The following ZNF678 variants were observed in gnomAD, a reference collection of about 807,000 sequenced individuals.
ZNF678 encodes the protein hypothetical protein MGC42493.
In ZNF678, 5 loss-of-function variants were observed where a neutral mutation model predicts 3.0. The ratio of observed to expected loss-of-function variants is 1.69; its 90% CI spans 0.88 to 3.56. The LOEUF (loss-of-function observed/expected upper bound fraction) is 3.56, where lower values mean the gene tolerates loss of function less well. Ranked by LOEUF, ZNF678 falls within the 30% of genes most tolerant of loss-of-function variation. The pLI is 0.00. For missense variants in ZNF678, 593 were observed against 605.0 expected (o/e 0.98, Z 0.21); for synonymous variants, 218 against 199.6 (o/e 1.09, Z -0.78).
At chr1:227,665,205 C>T (rs918689154), downstream of ZNF678, among the ~76,000 whole-genome samples, 1 of 152,174 alleles carries the variant, frequency 6.6e-6, no homozygotes, top group African/African-American at 2.4e-5. Context: ...TCAAACAGGC[C>T]TGGGCCCAGC....
intron 1 of ZNF678, among the ~76,000 whole-genome samples, chr1:227,636,439 C>T (rs954591321): frequency 4.6e-5 from 7 of 152,126 alleles, no homozygotes; most frequent in South Asian, 2.1e-4. Context: ...TTTGTTGCGC[C>T]GAGCATTTCC....
exon 6 of ZNF678, chr1:227,677,332 T>C (rs1042188964): frequency 6.6e-6 from 1 of 152,188 alleles, no homozygotes; most frequent in African/African-American, 2.4e-5. Flanking sequence ...CTAAGATGGC[T>C]GGATGTGCAA....
intron 3 of ZNF678, 103 bp from the exon 4 acceptor site, chr1:227,654,233 C>A (rs529335857): frequency 5.6e-6 from 5 of 900,456 alleles, no homozygotes; most frequent in East Asian, 3.0e-5. Context: ...TTTTATTATG[C>A]CATCTTGTTA....
At chr1:227,584,710 T>C (rs113003216) in intron 1 of ZNF678, among the ~76,000 whole-genome samples, 2,551 of 152,312 alleles carry the variant, frequency 0.017, 62 homozygotes, top group South Asian at 0.057. Context: ...TAAGAACTTA[T>C]AGGCAAGGAG....
At chr1:227,604,279 G>A (rs1020159784) in intron 1 of ZNF678, among the ~76,000 whole-genome samples, 6 of 152,168 alleles carry the variant, frequency 3.9e-5, no homozygotes, top group African/African-American at 1.4e-4. Flanking sequence ...CGGCTGTGCT[G>A]TTTTACAGTT....
chr1:227,612,410 A>G (rs761499909), intron 1 of ZNF678, among the ~76,000 whole-genome samples: 40 of 152,166 alleles, frequency 2.6e-4, no homozygotes, highest in Non-Finnish European at 5.0e-4. Context: ...GTGGTCACAA[A>G]CTGGAAAAAT....
downstream of ZNF678, among the ~76,000 whole-genome samples, chr1:227,679,600 C>T (rs1659733801): frequency 6.6e-6 from 1 of 151,792 alleles, no homozygotes; most frequent in Non-Finnish European, 1.5e-5. Flanking sequence ...ATTGCTCACT[C>T]AGGGAGCTCA....
chr1:227,634,992 T>C (rs1658637063), intron 1 of ZNF678, among the ~76,000 whole-genome samples: 2 of 152,062 alleles, frequency 1.3e-5, no homozygotes, highest in South Asian at 2.1e-4. Flanking sequence ...TGTGTCACCC[T>C]TCCTCCAGCT....
intron 1 of ZNF678, among the ~76,000 whole-genome samples, chr1:227,635,515 TTGTGTGTGTGTGTGTGTGTGTGTG>T (rs56135481): frequency 5.5e-5 from 7 of 128,004 alleles, no homozygotes; most frequent in African/African-American, 8.9e-5. Context: ...GGGTGAACAT[TTGTGTGTGTGTGTGTGTGTGTGTG>T]TGTGTGTGTG....
chr1:227,623,357 T>A (rs1375699278), intron 1 of ZNF678, among the ~76,000 whole-genome samples: 3 of 152,188 alleles, frequency 2.0e-5, no homozygotes, highest in Non-Finnish European at 2.9e-5. Context: ...AGTCCCTGAT[T>A]TTTTCTCCCT....
chr1:227,673,666 T>C (rs1344770401), intron 5 of ZNF678, among the ~76,000 whole-genome samples: 1 of 152,230 alleles, frequency 6.6e-6, no homozygotes, highest in Non-Finnish European at 1.5e-5. Flanking sequence ...CTGGGTAGGC[T>C]GAAGCCAGCA....
downstream of ZNF678, among the ~76,000 whole-genome samples, chr1:227,663,630 T>C (rs1465820387): frequency 6.6e-6 from 1 of 152,164 alleles, no homozygotes; most frequent in Non-Finnish European, 1.5e-5. Context: ...AACAGCAACA[T>C]GCAAAGATAC....
Position 227,654,831 on chromosome 1 carries a change from C to T in ZNF678, c.581C>T (p.Ser194Leu). The change falls in exon 4 of 4, where the codon TCA becomes TTA. Residue 194 changes from serine to leucine, a missense_variant. Coordinates refer to ENST00000343776, the MANE Select transcript of ZNF678 (RefSeq NM_001367909.1). ...DECDKVFNWWSQLTSHKKIHS... is the reference protein window; with the variant it reads ...DECDKVFNWWLQLTSHKKIHS... ...TGTGACAAAGTTTTTAATTGGTGGT[C>T]ACAACTAACTAGCCATAAGAAAATT... 1 of 1,608,826 alleles carries T rather than the reference C, an allele frequency of 6.2e-7. No homozygotes were observed. The highest frequency in any genetic ancestry group is 1.1e-5 in the South Asian group (1 of 90,876).
rs56135481 is a variant in ZNF678 at position 227,635,515 on chromosome 1, TTGTGTGTGTGTGTG to T, written c.-163-10993_-163-10980del. Among the ~76,000 whole-genome samples, 523 of 128,006 alleles carry T rather than the reference TTGTGTGTGTGTGTG, an allele frequency of 4.1e-3. 4 individuals carry two copies. Among genetic ancestry groups the T allele is most frequent in the Non-Finnish European group, 5.8e-3 (354 of 61,322 alleles). 84.0% of individuals were successfully genotyped at this position (128,006 alleles called of 152,430 possible). A position where few individuals can be genotyped will look rare whatever the true frequency, so the allele number is the denominator to read the frequency against. On this transcript the variant is annotated intron_variant, in intron 1 of 3. Transcript: ENST00000343776. The stretch of plus-strand genomic sequence containing the variant: ...TACCAGGTGAATTTAGGGTGAACAT[TTGTGTGTGTGTGTG>T]TGTGTGTGTGTGTGTGTGTGTGTGT...
chr1:227,581,702 G>A (rs998489320), intron 1 of ZNF678, among the ~76,000 whole-genome samples: 1 of 152,128 alleles, frequency 6.6e-6, no homozygotes, highest in African/African-American at 2.4e-5. Context: ...GGACTATTAT[G>A]AATACTCTTG....
chr1:227,573,605 A>AT (rs1161834680), intron 1 of ZNF678, among the ~76,000 whole-genome samples: 1 of 152,118 alleles, frequency 6.6e-6, no homozygotes, highest in African/African-American at 2.4e-5. Flanking sequence ...GTAAATGTCT[A>AT]TTTTTTCCCA....
intron 1 of ZNF678, among the ~76,000 whole-genome samples, chr1:227,617,867 T>C (rs966342379): frequency 1.3e-5 from 2 of 152,154 alleles, no homozygotes; most frequent in African/African-American, 2.4e-5. Flanking sequence ...ATCACGTGGC[T>C]AGGATGACCC....
intron 1 of ZNF678, among the ~76,000 whole-genome samples, chr1:227,619,806 A>G (rs867727849): frequency 6.6e-6 from 1 of 152,188 alleles, no homozygotes; most frequent in Non-Finnish European, 1.5e-5. Context: ...GAATTTTTGC[A>G]ATCAGACCTT....
At chr1:227,678,170 G>C (rs1027800134), downstream of ZNF678, among the ~76,000 whole-genome samples, 3 of 152,114 alleles carry the variant, frequency 2.0e-5, no homozygotes, top group Admixed American at 6.5e-5. Context: ...ATTGAGACAG[G>C]GTATGGGGAT....
Sources: gnomAD v4.1 joint callset for allele counts (sites outside exome capture counted in the v4.1 genomes callset) on GRCh38, gnomAD v4.1.1 for gene constraint, MANE v1.5 for transcripts, NCBI Gene and HGNC (gene_info 2026-07-23, HGNC 2026-07-21) for gene names.